Variants in WDR17 observed in about 807,000 individuals in gnomAD.
WDR17 encodes the protein WD repeat domain 17.
WDR17 carries 143 observed loss-of-function variants against 161.7 expected under a neutral mutation model. That is an observed-to-expected ratio of 0.88 (90% CI 0.77 to 1.02). The LOEUF is 1.02. Among genes scored for constraint, WDR17 ranks in the 50% least tolerant of loss-of-function variants. WDR17 has a pLI of 0.00. For synonymous variants in WDR17, 517 were observed against 515.6 expected, an observed-to-expected ratio of 1.00 and a Z score of -0.04; for missense variants, 1,469 against 1,520.9, an observed-to-expected ratio of 0.97 and a Z score of 0.57.
intron 17 of WDR17, among the ~76,000 whole-genome samples, chr4:176,155,519 C>CTTTGTTT: frequency 8.0e-6 from 1 of 125,310 alleles, no homozygotes; most frequent in Non-Finnish European, 1.8e-5. Context: ...ATCTTTTTTA[C>CTTTGTTT]TTTGTTTTTT....
At chr4:176,126,331 C>T (rs1291758856) in intron 5 of WDR17, among the ~76,000 whole-genome samples, 4 of 149,156 alleles carry the variant, frequency 2.7e-5, no homozygotes, top group Non-Finnish European at 6.0e-5. Flanking sequence ...CTACTTTTAC[C>T]ATTTGATTGT....
At chr4:176,172,685 C>T (rs4444774) in intron 24 of WDR17, among the ~76,000 whole-genome samples, 169 bp downstream of exon 24, 30,798 of 152,036 alleles carry the variant, frequency 0.2, 3,805 homozygotes, top group Admixed American at 0.35. Flanking sequence ...CAGGCTGTAC[C>T]GGAAGCATGG....
chr4:176,174,796 A>G, intron 26 of WDR17, 78 bp downstream of exon 26: 1 of 821,350 alleles, frequency 1.2e-6, no homozygotes, highest in Non-Finnish European at 2.0e-6. Flanking sequence ...AGTGGATTAT[A>G]CAAAGTATCA....
At chr4:176,132,194 A>C (rs374269893) in intron 7 of WDR17, among the ~76,000 whole-genome samples, 1 of 152,090 alleles carries the variant, frequency 6.6e-6, no homozygotes, top group East Asian at 1.9e-4. Context: ...ATGATAATTA[A>C]GCCCCTATAT....
At chr4:176,146,395 T>C (rs576770247) in intron 12 of WDR17, among the ~76,000 whole-genome samples, 17 of 152,260 alleles carry the variant, frequency 1.1e-4, no homozygotes, top group Admixed American at 1.0e-3. Context: ...ATTGAATGAT[T>C]AAGCATTTTC....
At chr4:176,114,090 A>G (rs1740212245) in intron 2 of WDR17, among the ~76,000 whole-genome samples, 1 of 152,074 alleles carries the variant, frequency 6.6e-6, no homozygotes, top group Non-Finnish European at 1.5e-5. Flanking sequence ...CACATTTACT[A>G]TATTAATAGA....
intron 4 of WDR17, among the ~76,000 whole-genome samples, chr4:176,122,732 T>A (rs1017824993): frequency 1.3e-5 from 2 of 152,214 alleles, no homozygotes; most frequent in Non-Finnish European, 2.9e-5. Flanking sequence ...TCCTCCAGGT[T>A]CTTGCAGGAA....
chr4:176,126,176 T>G (rs953933580), intron 5 of WDR17, among the ~76,000 whole-genome samples: 10 of 152,162 alleles, frequency 6.6e-5, no homozygotes, highest in African/African-American at 2.2e-4. Flanking sequence ...GCATTCAAAC[T>G]ATAGCACTCA....
At chr4:176,123,438 CT>C (rs1172380523) in intron 4 of WDR17, among the ~76,000 whole-genome samples, 4 of 152,156 alleles carry the variant, frequency 2.6e-5, no homozygotes, top group Non-Finnish European at 4.4e-5. Flanking sequence ...TTACTGTCCT[CT>C]CTTCTGATGA....
chr4:176,137,544 G>T lies in WDR17; in HGVS notation c.1292G>T (p.Gly431Val). 6.2e-7 allele frequency: 1 copy of T among 1,601,960 alleles called. No homozygotes were observed. The highest frequency in any genetic ancestry group is 8.5e-7 in the Non-Finnish European group (1 of 1,172,366). ...APGGLNCIAG[G>V]TSRNGAFIWN... ...GGTGGTTTAAATTGTATTGCTGGGG[G>T]AACTTCCCGAAATGGTGCTTTTATT... Residue 431 changes from glycine (G) to valine (V), a missense_variant, in exon 9 of 29, where the codon GGA (glycine) becomes GTA (valine). Gly to Val is a moderately radical substitution (Grantham distance 109). Transcript: ENST00000508596.
In WDR17 at chr4:176,172,398, A is replaced by G; in HGVS notation, c.3126A>G (p.Glu1042=). ...HDKCKLPTVE[E]CMQLAETARA... ...AGTGTAAGCTACCCACAGTGGAAGA[A>G]TGTATGCAGTTAGCTGAGACAGCCC... is the stretch of plus-strand genomic sequence containing the variant. The change falls in exon 24 of 29, where the codon GAA becomes GAG. Residue 1042 remains glutamate (E), a synonymous_variant. Coordinates refer to ENST00000508596, the MANE Select transcript of WDR17 (RefSeq NM_181265.4). 6.2e-7 allele frequency: 1 copy of G among 1,608,692 alleles called. No individual in the cohort carries two copies. The highest frequency in any genetic ancestry group is 8.5e-7 in the Non-Finnish European group (1 of 1,178,744).
At chr4:176,121,615 A>T (rs979100982) in intron 4 of WDR17, among the ~76,000 whole-genome samples, 1 of 151,762 alleles carries the variant, frequency 6.6e-6, no homozygotes, top group Admixed American at 6.6e-5. Flanking sequence ...ACATTTTGTG[A>T]TTTGTCATTT....
At chr4:176,147,023 C>G (rs989694131) in intron 12 of WDR17, among the ~76,000 whole-genome samples, 5 of 151,992 alleles carry the variant, frequency 3.3e-5, no homozygotes, top group Admixed American at 3.3e-4. Context: ...TGCGCCACCA[C>G]GCCCAGCTAA....
chr4:176,165,486 A>C (rs1749648168), intron 22 of WDR17, among the ~76,000 whole-genome samples: 1 of 152,196 alleles, frequency 6.6e-6, no homozygotes, highest in Non-Finnish European at 1.5e-5. Flanking sequence ...TATATCTTCT[A>C]ACTCCCTCAA....
In WDR17 at chr4:176,168,578, G is replaced by T. The variant is rs548343175; in HGVS notation, c.2991-94G>T. 9 of 1,425,142 alleles carry T rather than the reference G, an allele frequency of 6.3e-6. No individual in the cohort carries two copies. The Admixed American group carries it at 1.3e-4, about 21-fold the overall frequency. 88.3% of individuals were successfully genotyped at this position (1,425,142 alleles called of 1,614,324 possible). On this transcript the variant is annotated intron_variant, in intron 22 of 28. Coordinates refer to ENST00000508596, the MANE Select transcript of WDR17 (RefSeq NM_181265.4). ...TTGTGTAAATTAAAAAGCAAGAGTG[G>T]TATATTATATGAATTGCCCTTCTTT...
intron 14 of WDR17, 38 bp from the exon 15 acceptor site, chr4:176,150,005 G>A (rs1292399708): frequency 6.2e-7 from 1 of 1,610,842 alleles, no homozygotes; most frequent in East Asian, 2.2e-5. Context: ...TAAGTTTTAT[G>A]AGAAATCTTT....
chr4:176,131,498 T>C, intron 6 of WDR17, 56 bp from the exon 7 acceptor site: 1 of 1,465,896 alleles, frequency 6.8e-7, no homozygotes, highest in Non-Finnish European at 9.1e-7. Context: ...GAAGAATCTT[T>C]CTAAATTAAG....
intron 1 of WDR17, among the ~76,000 whole-genome samples, chr4:176,102,399 T>C (rs1737962814): frequency 6.6e-6 from 1 of 152,204 alleles, no homozygotes. Flanking sequence ...CTGATGGGAA[T>C]ACAAAATGAC....
At chr4:176,166,034 C>G in intron 22 of WDR17, 3 of 653,760 alleles carry the variant, frequency 4.6e-6, no homozygotes, top group Non-Finnish European at 5.0e-6. Flanking sequence ...AAGCTATAAA[C>G]AGCGCTTTTT....
Sources: allele counts gnomAD v4.1 joint callset (sites outside exome capture counted in the v4.1 genomes callset), GRCh38; gene constraint gnomAD v4.1.1; transcripts MANE v1.5; gene names NCBI Gene and HGNC (gene_info 2026-07-23, HGNC 2026-07-21).